PNPLA3: variants seen among roughly 807,000 people sequenced by gnomAD.
PNPLA3 encodes patatin like domain 3, 1-acylglycerol-3-phosphate O-acyltransferase.
In PNPLA3, 42 loss-of-function variants were observed where a neutral mutation model predicts 43.1. The observed-to-expected ratio is 0.97, with a 90% confidence interval of 0.76 to 1.26. PNPLA3 has a LOEUF of 1.26. Ranked by LOEUF, PNPLA3 falls within the 50% of genes most tolerant of loss-of-function variation. The pLI is 0.00. For missense variants in PNPLA3, 647 were observed against 621.4 expected, an observed-to-expected ratio of 1.04 and a Z score of -0.44; for synonymous variants, 272 against 253.6, an observed-to-expected ratio of 1.07 and a Z score of -0.69.
intron 3 of PNPLA3, among the ~76,000 whole-genome samples, chr22:43,930,459 C>T (rs2049954724): frequency 6.6e-6 from 1 of 152,132 alleles, no homozygotes. Context: ...TCAGCAGGAC[C>T]CCAACCCCTT....
chr22:43,924,261 C>CG, intron 1 of PNPLA3, 163 bp downstream of exon 1: 3 of 861,934 alleles, frequency 3.5e-6, no homozygotes, highest in Non-Finnish European at 3.3e-6. Flanking sequence ...ATGCTTCCTG[C>CG]GGGGGCGCTG....
intron 6 of PNPLA3, among the ~76,000 whole-genome samples, chr22:43,938,668 C>T (rs1302054589): frequency 6.6e-6 from 1 of 152,254 alleles, no homozygotes; most frequent in Admixed American, 6.5e-5. Context: ...CACCTCCCAT[C>T]AGGCTCCGCC....
intron 5 of PNPLA3, among the ~76,000 whole-genome samples, chr22:43,935,814 G>T (rs980882530): frequency 2.0e-5 from 3 of 152,092 alleles, no homozygotes; most frequent in Non-Finnish European, 4.4e-5. Context: ...TCCTGCAGTG[G>T]TAGGGAGCCA....
At position 43,923,981 on chromosome 22, in the gene PNPLA3, G is replaced by C. The variant is rs370741805; in HGVS notation, c.70G>C (p.Gly24Arg). 1 of 1,584,782 alleles carries C rather than the reference G, an allele frequency of 6.3e-7. No individual in the cohort carries two copies. Among genetic ancestry groups the C allele is most frequent in the South Asian group, 1.1e-5 (1 of 88,986 alleles). The stretch of plus-strand genomic sequence containing the variant: ...CGGCTTCCTGGGCTTCTACCACGTC[G>C]GGGCGACCCGCTGCCTGAGCGAGCA... ...GCGFLGFYHV[G>R]ATRCLSEHAP... The change falls in exon 1 of 9, where the codon GGG (glycine) becomes CGG (arginine). Residue 24 changes from glycine (G) to arginine (R), a missense_variant. By Grantham distance (125) the Gly-to-Arg change is moderately radical. Coordinates refer to ENST00000216180, the MANE Select transcript of PNPLA3 (RefSeq NM_025225.3).
intron 7 of PNPLA3, among the ~76,000 whole-genome samples, chr22:43,940,707 G>C (rs574599866): frequency 6.6e-6 from 1 of 152,118 alleles, no homozygotes; most frequent in Non-Finnish European, 1.5e-5. Flanking sequence ...TACTTGGAAG[G>C]CTGGGGCAGA....
intron 4 of PNPLA3, among the ~76,000 whole-genome samples, chr22:43,934,316 T>TA (rs3083286): frequency 0.033 from 3,847 of 117,954 alleles, 230 homozygotes; most frequent in African/African-American, 0.12. Context: ...GACTCTGCCT[T>TA]AAAAAAAAAA....
chr22:43,942,413 T>C (rs2050036742), intron 7 of PNPLA3, among the ~76,000 whole-genome samples: 1 of 152,222 alleles, frequency 6.6e-6, no homozygotes, highest in Non-Finnish European at 1.5e-5. Flanking sequence ...GTTGGCCATG[T>C]CTAGAATTGC....
chr22:43,925,432 T>C (rs2049915893), intron 1 of PNPLA3, among the ~76,000 whole-genome samples: 1 of 152,036 alleles, frequency 6.6e-6, no homozygotes, highest in South Asian at 2.1e-4. Context: ...GCAAGTAGCA[T>C]TGTGAAGCTA....
chr22:43,946,412 C>T lies in PNPLA3; in HGVS notation c.*30C>T. On this transcript the variant is annotated 3_prime_UTR_variant, in exon 9 of 9. Coordinates refer to ENST00000216180, the MANE Select transcript of PNPLA3 (RefSeq NM_025225.3). The stretch of plus-strand genomic sequence containing the variant: ...CTTGAGGAGGCGAGTCTAGCAGATT[C>T]TTTCAGAGGTGCTAAAGTTTCCCAT... 1 of 1,593,624 alleles carries T rather than the reference C, an allele frequency of 6.3e-7. No homozygotes were observed. Among genetic ancestry groups the T allele is most frequent in the Non-Finnish European group, 8.6e-7 (1 of 1,161,476 alleles).
Position 43,946,917 on chromosome 22 carries a change from G to C in PNPLA3, c.*535G>C. The C allele has an allele frequency of 3.1e-6, 1 of 324,884 alleles. No individual in the cohort carries two copies. Among genetic ancestry groups the C allele is most frequent in the East Asian group, 8.4e-5 (1 of 11,944 alleles). The allele number at this position is 324,884 out of a possible 1,614,324, so 20.1% of individuals were successfully genotyped here. On this transcript the variant is annotated 3_prime_UTR_variant, in exon 9 of 9. Transcript: ENST00000216180. Reference sequence around the variant, plus strand: ...AACGTCTCCATGGCGGGGGTAACAAGATGATAATCTACTTAATTTTAGAAC... The same window carrying C: ...AACGTCTCCATGGCGGGGGTAACAACATGATAATCTACTTAATTTTAGAAC...
chr22:43,939,973 C>T lies in PNPLA3; in HGVS notation c.980-20C>T. The T allele has an allele frequency of 1.2e-6, 2 of 1,614,108 alleles. No individual in the cohort carries two copies. Among genetic ancestry groups the T allele is most frequent in the Non-Finnish European group, 8.5e-7 (1 of 1,180,018 alleles). On this transcript the variant is annotated intron_variant, in intron 6 of 8. Coordinates refer to ENST00000216180, the MANE Select transcript of PNPLA3 (RefSeq NM_025225.3). ...TTTTCACAGTGGTGGGAGATAATAG[C>T]TCCAAATTGTCTTTTTCAGCACTGA...
chr22:43,929,436 A>G (rs988693289), intron 3 of PNPLA3, among the ~76,000 whole-genome samples: 1 of 149,084 alleles, frequency 6.7e-6, no homozygotes, highest in African/African-American at 2.5e-5. Context: ...AGATCGCACC[A>G]CTGCACTCCA....
intron 8 of PNPLA3, 119 bp downstream of exon 8, chr22:43,944,914 G>T (rs1212134884): frequency 2.3e-6 from 2 of 865,476 alleles, no homozygotes; most frequent in Non-Finnish European, 1.9e-6. Flanking sequence ...GCCCTTGGGT[G>T]TGGGGACCCT....
At position 43,933,488 on chromosome 22, in the gene PNPLA3, G is replaced by A. The variant is rs539329382; in HGVS notation, c.696+401G>A. The stretch of plus-strand genomic sequence containing the variant: ...TGAAGCCTCAGACTCCTGGGTTCAA[G>A]CAGTCCTCCCACCTCAGCCTCCTAA... On this transcript the variant is annotated intron_variant, in intron 4 of 8. Coordinates refer to ENST00000216180, the MANE Select transcript of PNPLA3 (RefSeq NM_025225.3). 6.6e-5 allele frequency among the ~76,000 whole-genome samples: 10 copies of A among 152,238 alleles called. No homozygotes were observed. In the East Asian group the frequency reaches 7.7e-4, roughly 12 times the overall value.
intron 7 of PNPLA3, among the ~76,000 whole-genome samples, chr22:43,941,525 C>G (rs1039741902): frequency 3.3e-5 from 5 of 152,296 alleles, no homozygotes; most frequent in Admixed American, 3.3e-4. Flanking sequence ...GAGACTCAAT[C>G]TGGTTACTGA....
intron 2 of PNPLA3, 33 bp from the exon 3 acceptor site, chr22:43,928,791 C>T (rs747746773): frequency 5.1e-6 from 8 of 1,575,514 alleles, no homozygotes; most frequent in African/African-American, 4.0e-5. Context: ...AGGGTGCTCT[C>T]GCCTATAACT....
At chr22:43,928,215 C>T (rs2049937944) in intron 2 of PNPLA3, among the ~76,000 whole-genome samples, 1 of 152,234 alleles carries the variant, frequency 6.6e-6, no homozygotes, top group Non-Finnish European at 1.5e-5. Flanking sequence ...CTCTGTTTAA[C>T]CTTGTTTGCG....
At position 43,944,901 on chromosome 22, in the gene PNPLA3, C is replaced by T. The variant is rs2146792491; in HGVS notation, c.1217+106C>T. On this transcript the variant is annotated intron_variant, in intron 8 of 8. Transcript: ENST00000216180. ...AGCTGGCTGAACACCAAGCAAGGAG[C>T]TTGCCCTTGGGTGTGGGGACCCTGT... 4 of 1,022,742 alleles carry T rather than the reference C, an allele frequency of 3.9e-6. No individual in the cohort carries two copies. In the South Asian group the frequency reaches 4.2e-5, roughly 11 times the overall value. 63.4% of individuals were successfully genotyped at this position (1,022,742 alleles called of 1,614,324 possible).
intron 5 of PNPLA3, among the ~76,000 whole-genome samples, chr22:43,935,020 C>T (rs893791352): frequency 3.3e-5 from 5 of 152,006 alleles, no homozygotes; most frequent in Admixed American, 6.6e-5. Context: ...TAACAAGGGC[C>T]GAAGTTAAAG....
Sources: allele counts gnomAD v4.1 joint callset (sites outside exome capture counted in the v4.1 genomes callset), GRCh38; gene constraint gnomAD v4.1.1; transcripts MANE v1.5; gene names NCBI Gene and HGNC (gene_info 2026-07-23, HGNC 2026-07-21).